DGKI: variants seen among roughly 807,000 people sequenced by gnomAD.
DGKI encodes diacylglycerol kinase iota.
A neutral mutation model predicts 147.5 loss-of-function variants in DGKI; 55 were observed. The ratio of observed to expected loss-of-function variants is 0.37; its 90% CI spans 0.30 to 0.47. The LOEUF is 0.47. Among genes scored for constraint, DGKI ranks in the 20% least tolerant of loss-of-function variants. The pLI is 1.00. For missense variants in DGKI, 1,007 were observed against 1,323.8 expected, an observed-to-expected ratio of 0.76 and a Z score of 3.71; for synonymous variants, 469 against 477.1, an observed-to-expected ratio of 0.98 and a Z score of 0.22.
chr7:137,803,818 G>A (rs1485564167), intron 1 of DGKI, among the ~76,000 whole-genome samples: 1 of 152,222 alleles, frequency 6.6e-6, no homozygotes, highest in Admixed American at 6.5e-5. Context: ...TTGGAACACA[G>A]CAAGGATTTG....
At chr7:137,761,450 GACA>G (rs1157685275) in intron 1 of DGKI, among the ~76,000 whole-genome samples, 1 of 152,158 alleles carries the variant, frequency 6.6e-6, no homozygotes, top group Non-Finnish European at 1.5e-5. Context: ...GATTAAATAA[GACA>G]ACATTTGTAA....
In DGKI at chr7:137,408,548, A is replaced by G. The variant is rs189934152; in HGVS notation, c.2800-553T>C. ...CATACACACGCATGCATGCATGCAC[A>G]CACACGAACACACATCTGGCTTCCT... On this transcript the variant is annotated intron_variant, in intron 29 of 32. Coordinates refer to ENST00000614521, the MANE Select transcript of DGKI (RefSeq NM_001321708.2). Among the ~76,000 whole-genome samples, 394 of 152,320 alleles carry G rather than the reference A, an allele frequency of 2.6e-3. 1 individual carries two copies. The highest frequency in any genetic ancestry group is 8.9e-3 in the African/African-American group (371 of 41,566).
At chr7:137,487,780 T>C in intron 21 of DGKI, 91 bp from the exon 22 acceptor site, 1 of 1,161,382 alleles carries the variant, frequency 8.6e-7, no homozygotes, top group Non-Finnish European at 1.3e-6. Context: ...AAAAACAATC[T>C]CATAAATATT....
At chr7:137,718,035 G>A (rs901358831) in intron 1 of DGKI, among the ~76,000 whole-genome samples, 3 of 152,040 alleles carry the variant, frequency 2.0e-5, no homozygotes, top group Non-Finnish European at 4.4e-5. Context: ...TTAGAGTGCC[G>A]TCCCACCTAG....
intron 6 of DGKI, among the ~76,000 whole-genome samples, chr7:137,624,572 G>A (rs900697768): frequency 3.3e-5 from 5 of 151,782 alleles, no homozygotes; most frequent in African/African-American, 1.2e-4. Context: ...ATATACTACC[G>A]AGCATTTCCT....
chr7:137,555,285 G>A (rs1241838911), intron 19 of DGKI, among the ~76,000 whole-genome samples: 1 of 151,808 alleles, frequency 6.6e-6, no homozygotes, highest in African/African-American at 2.4e-5. Flanking sequence ...CAGCACTTTG[G>A]GAGGCCAAAG....
intron 27 of DGKI, among the ~76,000 whole-genome samples, chr7:137,455,897 G>A (rs1814185268): frequency 6.6e-6 from 1 of 152,130 alleles, no homozygotes. Flanking sequence ...CCAGCAACTT[G>A]AGATTTGCAA....
rs1390896216 is a variant in DGKI at position 137,559,264 on chromosome 7, G to A, written c.1948-6696C>T. Among the ~76,000 whole-genome samples the A allele has an allele frequency of 2.0e-5, 3 of 150,536 alleles. 1 individual carries two copies. The Middle Eastern group carries it at 9.5e-3, about 476-fold the overall frequency. ...TTTTTTGTATTTTTAGTAGAGACGG[G>A]GTTTCACCGTTATAGCCGGGATGGT... On this transcript the variant is annotated intron_variant, in intron 19 of 32. Transcript: ENST00000614521.
At chr7:137,438,565 A>C (rs2128914701) in intron 28 of DGKI, among the ~76,000 whole-genome samples, 1 of 152,288 alleles carries the variant, frequency 6.6e-6, no homozygotes, top group African/African-American at 2.4e-5. Context: ...CACCTAACTT[A>C]AGCTATTCCC....
intron 1 of DGKI, among the ~76,000 whole-genome samples, chr7:137,714,135 T>C (rs1311128427): frequency 6.6e-6 from 1 of 152,238 alleles, no homozygotes; most frequent in East Asian, 1.9e-4. Flanking sequence ...AATAGATTCT[T>C]TCTGATTTTG....
intron 6 of DGKI, among the ~76,000 whole-genome samples, chr7:137,638,637 T>TATACACAC (rs1354331737): frequency 0.065 from 648 of 10,024 alleles, 193 homozygotes; most frequent in African/African-American, 0.34. Flanking sequence ...TATGTGTGTA[T>TATACACAC]ATATGTGTAT....
At chr7:137,542,159 T>C (rs958113090) in intron 20 of DGKI, among the ~76,000 whole-genome samples, 3 of 152,174 alleles carry the variant, frequency 2.0e-5, no homozygotes, top group Non-Finnish European at 4.4e-5. Flanking sequence ...GATCATATAT[T>C]GCTGGTAGAA....
chr7:137,394,352 A>C (rs1401816813), intron 32 of DGKI, among the ~76,000 whole-genome samples: 1 of 152,330 alleles, frequency 6.6e-6, no homozygotes, highest in Non-Finnish European at 1.5e-5. Context: ...GTGTGGCCCA[A>C]GACAATTCTT....
rs183620046 is a variant in DGKI, at chr7:137,839,823, T to C, written c.401+6639A>G. Among the ~76,000 whole-genome samples the C allele has an allele frequency of 1.7e-4, 26 of 152,332 alleles. No homozygotes were observed. The East Asian group carries it at 4.8e-3, about 28-fold the overall frequency. ...CTTTTATCAGAACATTATTTATGAG[T>C]CTGGAAATCTAAAGGCAAATTTCCA... On this transcript the variant is annotated intron_variant, in intron 1 of 32. Transcript: ENST00000614521.
chr7:137,621,881 A>G (rs1202409314), intron 7 of DGKI, among the ~76,000 whole-genome samples: 2 of 152,234 alleles, frequency 1.3e-5, no homozygotes, highest in Admixed American at 1.3e-4. Context: ...ACCGCTGCCC[A>G]GAAGGCTGCC....
intron 1 of DGKI, among the ~76,000 whole-genome samples, chr7:137,772,751 G>C (rs1483986340): frequency 1.3e-5 from 2 of 152,190 alleles, no homozygotes; most frequent in African/African-American, 4.8e-5. Context: ...ATTCCAAGTT[G>C]TTGTATTCAT....
chr7:137,651,449 A>T (rs1822023153), intron 5 of DGKI, among the ~76,000 whole-genome samples: 1 of 152,232 alleles, frequency 6.6e-6, no homozygotes, highest in Admixed American at 6.5e-5. Flanking sequence ...ATTAACAGCC[A>T]TCTCATTTCC....
chr7:137,500,550 T>C (rs1398219693), intron 21 of DGKI, among the ~76,000 whole-genome samples: 1 of 152,190 alleles, frequency 6.6e-6, no homozygotes, highest in Non-Finnish European at 1.5e-5. Context: ...AAAGTCTATA[T>C]ACACCAAGAT....
chr7:137,464,469 G>A (rs1448530264), intron 26 of DGKI, among the ~76,000 whole-genome samples: 1 of 152,120 alleles, frequency 6.6e-6, no homozygotes, highest in African/African-American at 2.4e-5. Flanking sequence ...TGGGTCTGAT[G>A]CATGGATGTG....
Sources: gnomAD v4.1 joint callset for allele counts (sites outside exome capture counted in the v4.1 genomes callset) on GRCh38, gnomAD v4.1.1 for gene constraint, MANE v1.5 for transcripts, NCBI Gene and HGNC (gene_info 2026-07-23, HGNC 2026-07-21) for gene names.